Variants in GRAMD2B observed in about 807,000 individuals in gnomAD.
GRAMD2B encodes the protein GRAM domain-containing protein 2B.
In GRAMD2B, 41 loss-of-function variants were observed where a neutral mutation model predicts 59.2. That is an observed-to-expected ratio of 0.69 (90% CI 0.54 to 0.90). The LOEUF (loss-of-function observed/expected upper bound fraction) is 0.90. Ranked by LOEUF, GRAMD2B falls within the 40% of genes least tolerant of loss-of-function variation. The pLI, the probability that GRAMD2B is intolerant of heterozygous loss-of-function variation, is 0.00. For missense variants in GRAMD2B, 424 were observed against 500.5 expected (o/e 0.85, Z 1.46); for synonymous variants, 161 against 182.7 (o/e 0.88, Z 0.96).
intron 1 of GRAMD2B, among the ~76,000 whole-genome samples, chr5:126,438,074 T>G (rs1236659610): frequency 6.6e-6 from 1 of 152,170 alleles, no homozygotes; most frequent in Non-Finnish European, 1.5e-5. Flanking sequence ...CACCTGTGCT[T>G]TTCAGCCTCA....
intron 11 of GRAMD2B, among the ~76,000 whole-genome samples, chr5:126,486,200 A>T (rs1365398061): frequency 6.6e-6 from 1 of 152,218 alleles, no homozygotes; most frequent in Non-Finnish European, 1.5e-5. Flanking sequence ...TGTTGAGAAC[A>T]TTCAATATCC....
At chr5:126,485,152 A>G (rs190524312) in intron 10 of GRAMD2B, among the ~76,000 whole-genome samples, 2 of 152,190 alleles carry the variant, frequency 1.3e-5, no homozygotes, top group African/African-American at 4.8e-5. Flanking sequence ...CAAGGAGTTC[A>G]AGACCAGCCT....
At chr5:126,482,473 CA>C (rs1772066993) in intron 8 of GRAMD2B, among the ~76,000 whole-genome samples, 2 of 152,190 alleles carry the variant, frequency 1.3e-5, no homozygotes, top group African/African-American at 4.8e-5. Flanking sequence ...TAGCATCAGG[CA>C]AGCTTTAACT....
At chr5:126,441,670 A>G (rs181558619) in intron 1 of GRAMD2B, among the ~76,000 whole-genome samples, 294 of 152,234 alleles carry the variant, frequency 1.9e-3, no homozygotes, top group South Asian at 5.0e-3. Context: ...CACAATTACC[A>G]CTGCAATGGC....
intron 1 of GRAMD2B, among the ~76,000 whole-genome samples, chr5:126,452,201 G>A (rs1043145146): frequency 1.3e-5 from 2 of 152,158 alleles, no homozygotes; most frequent in Admixed American, 1.3e-4. Flanking sequence ...AACAAATTCA[G>A]TGTCTGGTGA....
chr5:126,364,360 T>G (rs1368983307), intron 1 of GRAMD2B, among the ~76,000 whole-genome samples: 1 of 152,166 alleles, frequency 6.6e-6, no homozygotes, highest in Non-Finnish European at 1.5e-5. Context: ...TGTGGAAATT[T>G]TGAAATATTA....
At chr5:126,378,869 TACAC>T (rs1377774849) in intron 1 of GRAMD2B, among the ~76,000 whole-genome samples, 1 of 152,206 alleles carries the variant, frequency 6.6e-6, no homozygotes, top group African/African-American at 2.4e-5. Flanking sequence ...TTTTAAAAAA[TACAC>T]ACTATTCAAT....
chr5:126,411,391 T>G (rs759055238), intron 1 of GRAMD2B, among the ~76,000 whole-genome samples: 3 of 152,158 alleles, frequency 2.0e-5, no homozygotes, highest in Non-Finnish European at 4.4e-5. Flanking sequence ...TTTGACAACT[T>G]TGTCAAAGGT....
Position 126,485,685 on chromosome 5 carries a change from GGTCT to G in GRAMD2B, c.974_977del (p.Leu325GlnfsTer32). ...GTTGTTTTTTGTTTTCCTCCCAACA[GGTCT>G]GTCAGAAACTGTTGGAATCTTACAT... On this transcript the variant is annotated frameshift_variant and splice_region_variant, in exon 11 of 14. Coordinates refer to ENST00000285689, the MANE Select transcript of GRAMD2B (RefSeq NM_023927.4). LOFTEE classifies it high-confidence loss of function. 6.2e-7 allele frequency: 1 copy of G among 1,606,324 alleles called. No homozygotes were observed. The highest frequency in any genetic ancestry group is 8.5e-7 in the Non-Finnish European group (1 of 1,174,400).
At chr5:126,442,849 A>C (rs948813805) in intron 1 of GRAMD2B, among the ~76,000 whole-genome samples, 16 of 152,188 alleles carry the variant, frequency 1.1e-4, no homozygotes, top group African/African-American at 3.9e-4. Context: ...ATAGCAAAAA[A>C]TAAAATTAAA....
intron 3 of GRAMD2B, among the ~76,000 whole-genome samples, chr5:126,471,233 G>A (rs1249303834): frequency 2.0e-5 from 3 of 152,194 alleles, no homozygotes; most frequent in Non-Finnish European, 4.4e-5. Flanking sequence ...GAAGCATCCC[G>A]TGAGGCAGAT....
intron 4 of GRAMD2B, 121 bp downstream of exon 4, chr5:126,472,425 T>A: frequency 1.4e-6 from 1 of 695,678 alleles, no homozygotes; most frequent in Non-Finnish European, 2.5e-6. Context: ...TTTCTGAAAG[T>A]AATAACATAA....
chr5:126,370,171 C>G (rs1469968120), upstream of GRAMD2B, among the ~76,000 whole-genome samples: 1 of 152,158 alleles, frequency 6.6e-6, no homozygotes, highest in Non-Finnish European at 1.5e-5. Flanking sequence ...AGTGCTAAAA[C>G]CAAGAAAACT....
At chr5:126,378,487 G>A (rs140801530) in intron 1 of GRAMD2B, among the ~76,000 whole-genome samples, 23 of 151,688 alleles carry the variant, frequency 1.5e-4, no homozygotes, top group South Asian at 8.3e-4. Flanking sequence ...TTCCTTGTTC[G>A]TACTTTTCTT....
intron 2 of GRAMD2B, among the ~76,000 whole-genome samples, chr5:126,468,862 T>A (rs1265305278): frequency 6.6e-6 from 1 of 152,206 alleles, no homozygotes; most frequent in South Asian, 2.1e-4. Context: ...ATATGTATTT[T>A]TTTTGGTGCT....
Position 126,492,903 on chromosome 5 carries a change from T to C in GRAMD2B, c.1258-12T>C. On this transcript the variant is annotated splice_polypyrimidine_tract_variant and intron_variant, in intron 13 of 13. Coordinates refer to ENST00000285689, the MANE Select transcript of GRAMD2B (RefSeq NM_023927.4). ...TATTTAATAATAGGAACTTCTTTTC[T>C]TTTATTTCAAGATACAAAATAACTT... is the stretch of plus-strand genomic sequence containing the variant. 1 of 1,580,472 alleles carries C rather than the reference T, an allele frequency of 6.3e-7. No individual in the cohort carries two copies. The highest frequency in any genetic ancestry group is 8.7e-7 in the Non-Finnish European group (1 of 1,150,020).
chr5:126,485,925 G>T, intron 11 of GRAMD2B, 152 bp downstream of exon 11: 1 of 565,406 alleles, frequency 1.8e-6, no homozygotes, highest in Non-Finnish European at 3.0e-6. Flanking sequence ...CCTACTTCAG[G>T]TTTTTTTCCT....
At position 126,386,837 on chromosome 5, in the gene GRAMD2B, G is replaced by A. The variant is rs1052619616; in HGVS notation, c.125+15270G>A. 2.6e-5 allele frequency among the ~76,000 whole-genome samples: 4 copies of A among 152,150 alleles called. No homozygotes were observed. In the East Asian group the frequency reaches 7.7e-4, roughly 29 times the overall value. ...AATTTTGGAGGCTGGCAAGTTGGAGGCACTGAAGAATTGTTATCACTATAG... is the reference window on the plus strand; with the variant it reads ...AATTTTGGAGGCTGGCAAGTTGGAGACACTGAAGAATTGTTATCACTATAG... On this transcript the variant is annotated intron_variant, in intron 1 of 8. Transcript: ENST00000506445.
At chr5:126,428,616 G>T (rs1680505062) in intron 1 of GRAMD2B, among the ~76,000 whole-genome samples, 1 of 152,146 alleles carries the variant, frequency 6.6e-6, no homozygotes, top group South Asian at 2.1e-4. Context: ...TCTCCTACAG[G>T]TGTGACCTGG....
Sources: gnomAD v4.1 joint callset for allele counts (sites outside exome capture counted in the v4.1 genomes callset) on GRCh38, gnomAD v4.1.1 for gene constraint, MANE v1.5 for transcripts, NCBI Gene and HGNC (gene_info 2026-07-23, HGNC 2026-07-21) for gene names.